TENM1: variants seen among roughly 807,000 people sequenced by gnomAD.
TENM1 encodes teneurin transmembrane protein 1.
Under a neutral mutation model 174.8 loss-of-function variants are expected in TENM1, and 35 were observed. The observed-to-expected ratio is 0.20, with a 90% CI of 0.15 to 0.27. The LOEUF is 0.27. TENM1 is among the 10% of genes least tolerant of loss of function. TENM1 has a pLI of 1.00. For synonymous variants in TENM1, 781 were observed against 798.7 expected, an observed-to-expected ratio of 0.98 and a Z score of 0.37; for missense variants, 1,633 against 2,130.1, an observed-to-expected ratio of 0.77 and a Z score of 4.59.
intron 11 of TENM1, among the ~76,000 whole-genome samples, chrX:124,624,862 T>G (rs2050600025): frequency 8.9e-6 from 1 of 112,605 alleles, no homozygotes; most frequent in South Asian, 3.6e-4. Flanking sequence ...TAGCATTAAA[T>G]AAACTTGGCT....
chrX:124,696,504 C>T (rs1479939730), intron 5 of TENM1, among the ~76,000 whole-genome samples: 1 of 110,634 alleles, frequency 9.0e-6, no homozygotes, highest in African/African-American at 3.3e-5. Flanking sequence ...ATACTTGTTC[C>T]TAGTTTCTTG....
chrX:124,478,649 T>C (rs751004705), intron 22 of TENM1, among the ~76,000 whole-genome samples: 5 of 112,056 alleles, frequency 4.5e-5, no homozygotes, highest in African/African-American at 6.5e-5. Context: ...TTCCCTAACC[T>C]AGAAATGGTG....
the TENM1 span, among the ~76,000 whole-genome samples, chrX:125,046,756 C>CA: frequency 9.0e-6 from 1 of 110,843 alleles, no homozygotes; most frequent in African/African-American, 3.3e-5. Flanking sequence ...ACTAACTTCC[C>CA]AAAAAGCCAG....
At chrX:125,087,010 T>G in the TENM1 span, among the ~76,000 whole-genome samples, 1 of 111,552 alleles carries the variant, frequency 9.0e-6, no homozygotes. Context: ...AATGAAATTT[T>G]AGAGATATTA....
chrX:124,590,150 C>CT (rs1274788767), intron 11 of TENM1, among the ~76,000 whole-genome samples: 1 of 111,678 alleles, frequency 9.0e-6, no homozygotes. Context: ...TAAATTTCTG[C>CT]TTTAATTTCA....
intron 3 of TENM1, among the ~76,000 whole-genome samples, chrX:124,809,561 G>C: frequency 9.0e-6 from 1 of 111,517 alleles, no homozygotes; most frequent in Non-Finnish European, 1.9e-5. Context: ...ATTACATTAA[G>C]AGAATAAAGG....
intron 20 of TENM1, among the ~76,000 whole-genome samples, chrX:124,494,744 T>C (rs1342192668): frequency 9.3e-6 from 1 of 107,602 alleles, no homozygotes; most frequent in African/African-American, 3.4e-5. Flanking sequence ...TTCCCACCTA[T>C]GAGTGAGAAT....
intron 1 of TENM1, among the ~76,000 whole-genome samples, chrX:124,909,662 CAAT>C (rs1244460385): frequency 1.8e-5 from 2 of 112,166 alleles, no homozygotes; most frequent in African/African-American, 3.2e-5. Context: ...TTGAAAACAA[CAAT>C]GATATTTTAG....
intron 28 of TENM1, among the ~76,000 whole-genome samples, chrX:124,386,747 C>T (rs938045619): frequency 2.7e-5 from 3 of 109,732 alleles, no homozygotes; most frequent in South Asian, 4.0e-4. Context: ...CAGGGTCTCA[C>T]GGTGTTGCCC....
intron 1 of TENM1, among the ~76,000 whole-genome samples, chrX:124,901,087 C>T (rs1014248417): frequency 1.8e-5 from 2 of 111,098 alleles, no homozygotes; most frequent in African/African-American, 6.5e-5. Context: ...CCACTATGCC[C>T]GACTGATGCA....
chrX:124,450,088 C>T (rs998600875), intron 23 of TENM1, among the ~76,000 whole-genome samples: 15 of 110,663 alleles, frequency 1.4e-4, no homozygotes, highest in Non-Finnish European at 9.5e-5. Context: ...ATTATGGGGG[C>T]GGGTCTTTCC....
intron 22 of TENM1, among the ~76,000 whole-genome samples, chrX:124,476,116 C>A (rs951636750): frequency 8.9e-6 from 1 of 111,842 alleles, no homozygotes; most frequent in Non-Finnish European, 1.9e-5. Flanking sequence ...TTCCATTGAA[C>A]AGGAGAACCA....
the TENM1 span, among the ~76,000 whole-genome samples, chrX:125,111,618 T>C: frequency 9.0e-6 from 1 of 111,634 alleles, no homozygotes; most frequent in East Asian, 2.8e-4. Flanking sequence ...CAAAGGTAGG[T>C]ATAATTATTA....
chrX:124,407,694 T>A (rs2060478791), intron 25 of TENM1, among the ~76,000 whole-genome samples: 1 of 112,947 alleles, frequency 8.9e-6, no homozygotes, highest in South Asian at 3.6e-4. Flanking sequence ...AACTTGAGCC[T>A]ATACATAATG....
chrX:124,620,212 C>T (rs1464107583), intron 11 of TENM1, among the ~76,000 whole-genome samples: 1 of 111,729 alleles, frequency 9.0e-6, no homozygotes, highest in East Asian at 2.8e-4. Context: ...TTTTCAAGTA[C>T]TTGAAGATTA....
chrX:124,892,464 C>G (rs112299422), intron 3 of TENM1, among the ~76,000 whole-genome samples: 1,723 of 111,878 alleles, frequency 0.015, 31 homozygotes, highest in African/African-American at 0.054. Flanking sequence ...GAAAAAAATT[C>G]TGAAAGGCTT....
intron 1 of TENM1, among the ~76,000 whole-genome samples, chrX:124,910,409 G>A (rs1299034522): frequency 8.9e-6 from 1 of 111,870 alleles, no homozygotes; most frequent in African/African-American, 3.2e-5. Flanking sequence ...AGGATGTGCA[G>A]GTAAAACAAT....
chrX:124,555,208 A>G (rs182722635), intron 14 of TENM1, among the ~76,000 whole-genome samples: 71 of 111,521 alleles, frequency 6.4e-4, no homozygotes, highest in African/African-American at 2.3e-3. Flanking sequence ...CCACAAAGAC[A>G]TGCCTTTTAC....
At chrX:124,693,170 T>C (rs1293019584) in intron 5 of TENM1, among the ~76,000 whole-genome samples, 2 of 110,741 alleles carry the variant, frequency 1.8e-5, no homozygotes, top group Non-Finnish European at 3.8e-5. Flanking sequence ...AAATAATAAT[T>C]GAAGTTTAAT....
Sources: allele counts gnomAD v4.1 joint callset (sites outside exome capture counted in the v4.1 genomes callset), GRCh38; gene constraint gnomAD v4.1.1; transcripts MANE v1.5; gene names NCBI Gene and HGNC (gene_info 2026-07-23, HGNC 2026-07-21).